Variants in NSL1 observed in about 807,000 individuals in gnomAD.
NSL1 encodes the protein kinetochore-associated protein NSL1 homolog.
A neutral mutation model predicts 25.4 loss-of-function variants in NSL1; 11 were observed. The ratio of observed to expected loss-of-function variants is 0.43; its 90% CI spans 0.27 to 0.72. The LOEUF is 0.72. Among genes scored for constraint, NSL1 ranks in the 30% least tolerant of loss-of-function variants. The pLI is 0.19. For missense variants in NSL1, 330 were observed against 342.7 expected, an observed-to-expected ratio of 0.96 and a Z score of 0.29; for synonymous variants, 118 against 120.6, an observed-to-expected ratio of 0.98 and a Z score of 0.14.
chr1:212,786,002 G>A (rs1660924582), intron 2 of NSL1, among the ~76,000 whole-genome samples: 1 of 152,006 alleles, frequency 6.6e-6, no homozygotes, highest in South Asian at 2.1e-4. Flanking sequence ...GTTCTTTTGA[G>A]GGCACCCTTT....
chr1:212,782,571 G>T (rs1218776099), intron 3 of NSL1, 145 bp from the exon 4 acceptor site: 6 of 641,194 alleles, frequency 9.4e-6, no homozygotes, highest in Non-Finnish European at 1.7e-5. Context: ...TAGGGAAGAG[G>T]AGGTGAGAAG....
At position 212,735,591 on chromosome 1, in the gene NSL1, T is replaced by C. The variant is rs1658203018; in HGVS notation, c.*2817A>G. ...TGTTTGTGTCCCCCTAAAATCTGTA[T>C]GATGAAGCCTTAACTCCCATGTGCC... On this transcript the variant is annotated 3_prime_UTR_variant, in exon 6 of 6. Transcript: ENST00000366977. 3 of 938,514 alleles carry C rather than the reference T, an allele frequency of 3.2e-6. No individual in the cohort carries two copies. The highest frequency in any genetic ancestry group is 3.8e-6 in the Non-Finnish European group (3 of 787,078). 58.1% of individuals were successfully genotyped at this position (938,514 alleles called of 1,614,324 possible). A position where few individuals can be genotyped will look rare whatever the true frequency, so the allele number is the denominator to read the frequency against.
Position 212,737,740 on chromosome 1 carries a change from A to T in NSL1, c.*668T>A, listed in dbSNP as rs1658290325. Reference sequence around the variant, plus strand: ...TGTTAATGGTCTATAGAAAAAAGTGAGTGTGGGCAGGAAACATTGGCTACA... The same window carrying T: ...TGTTAATGGTCTATAGAAAAAAGTGTGTGTGGGCAGGAAACATTGGCTACA... On this transcript the variant is annotated 3_prime_UTR_variant, in exon 6 of 6. Transcript: ENST00000366977. 4 of 983,670 alleles carry T rather than the reference A, an allele frequency of 4.1e-6. No homozygotes were observed. The highest frequency in any genetic ancestry group is 6.1e-5 in the Admixed American group (1 of 16,268). The allele number at this position is 983,670 out of a possible 1,614,324, so 60.9% of individuals were successfully genotyped here.
Position 212,727,719 on chromosome 1 carries a change from A to G in NSL1, c.*10689T>C, listed in dbSNP as rs563459031. ...AAAGAATGACTAGCTATGATGATTTATATTTCCCAAGAAATTAACAGCAAA... is the reference window on the plus strand; with the variant it reads ...AAAGAATGACTAGCTATGATGATTTGTATTTCCCAAGAAATTAACAGCAAA... On this transcript the variant is annotated 3_prime_UTR_variant, in exon 6 of 6. Coordinates refer to ENST00000366977, the MANE Select transcript of NSL1 (RefSeq NM_015471.4). 6.1e-6 allele frequency: 6 copies of G among 984,948 alleles called. No homozygotes were observed. Among genetic ancestry groups the G allele is most frequent in the African/African-American group, 1.7e-5 (1 of 57,356 alleles). The allele number at this position is 984,948 out of a possible 1,614,324, so 61.0% of individuals were successfully genotyped here.
At position 212,735,511 on chromosome 1, in the gene NSL1, G is replaced by C; in HGVS notation, c.*2897C>G. ...CTCTACGGAGCCCAAGCCATAAAGG[G>C]CCAGGGAAAGAGGTCTAGGATAAGA... On this transcript the variant is annotated 3_prime_UTR_variant, in exon 6 of 6. Transcript: ENST00000366977. 1.0e-6 allele frequency: 1 copy of C among 985,394 alleles called. No individual in the cohort carries two copies. Among genetic ancestry groups the C allele is most frequent in the South Asian group, 4.7e-5 (1 of 21,292 alleles). The allele number at this position is 985,394 out of a possible 1,614,324, so 61.0% of individuals were successfully genotyped here.
At chr1:212,744,746 T>C (rs1412229167) in intron 4 of NSL1, among the ~76,000 whole-genome samples, 1 of 151,758 alleles carries the variant, frequency 6.6e-6, no homozygotes, top group East Asian at 1.9e-4. Flanking sequence ...AGACGGTGAG[T>C]GTTCAACAGC....
rs1658123676 is a variant in NSL1, at chr1:212,733,823, G to A, written c.*4585C>T. Among the ~76,000 whole-genome samples the A allele has an allele frequency of 6.6e-6, 1 of 152,206 alleles. No individual in the cohort carries two copies. Among genetic ancestry groups the A allele is most frequent in the Admixed American group, 6.5e-5 (1 of 15,276 alleles). Reference sequence around the variant, plus strand: ...TCAATTCTCTTAGGTTTAGAACGTGGAGTAAAATTGCTGGGCCATATGGTA... The same window carrying A: ...TCAATTCTCTTAGGTTTAGAACGTGAAGTAAAATTGCTGGGCCATATGGTA... On this transcript the variant is annotated 3_prime_UTR_variant, in exon 6 of 6. Coordinates refer to ENST00000366977, the MANE Select transcript of NSL1 (RefSeq NM_015471.4).
intron 4 of NSL1, among the ~76,000 whole-genome samples, chr1:212,759,645 C>T (rs11811017): frequency 0.18 from 27,165 of 151,970 alleles, 2,751 homozygotes; most frequent in African/African-American, 0.28. Flanking sequence ...AATTCAACCC[C>T]CACCAGACTG....
At chr1:212,782,576 G>A (rs1345775113) in intron 3 of NSL1, 150 bp from the exon 4 acceptor site, 3 of 632,226 alleles carry the variant, frequency 4.7e-6, no homozygotes, top group Non-Finnish European at 8.4e-6. Context: ...AAGAGGAGGT[G>A]AGAAGGTAAA....
In NSL1 at chr1:212,737,393, A is replaced by C. The variant is rs1405173894; in HGVS notation, c.*1015T>G. Reference sequence around the variant, plus strand: ...CTCATGATCAGTAAATTCCTTTGAAAAATGAATGAAGGTATCAGAGTCATC... The same window carrying C: ...CTCATGATCAGTAAATTCCTTTGAACAATGAATGAAGGTATCAGAGTCATC... On this transcript the variant is annotated 3_prime_UTR_variant, in exon 6 of 6. Coordinates refer to ENST00000366977, the MANE Select transcript of NSL1 (RefSeq NM_015471.4). 1.0e-6 allele frequency: 1 copy of C among 985,012 alleles called. No homozygotes were observed. Among genetic ancestry groups the C allele is most frequent in the Non-Finnish European group, 1.2e-6 (1 of 829,624 alleles). 61.0% of individuals were successfully genotyped at this position (985,012 alleles called of 1,614,324 possible).
chr1:212,759,545 A>T (rs1558049783), intron 4 of NSL1, among the ~76,000 whole-genome samples: 1 of 152,136 alleles, frequency 6.6e-6, no homozygotes, highest in Non-Finnish European at 1.5e-5. Flanking sequence ...AGCTGTCTGG[A>T]GTCCATACAA....
Position 212,731,792 on chromosome 1 carries a change from A to G in NSL1, c.*6616T>C, listed in dbSNP as rs1411360113. ...TCAAAGCTGGTGTTCAGACAGTCAC[A>G]CTGTTACAAACATATGGATTGTACT... On this transcript the variant is annotated 3_prime_UTR_variant, in exon 6 of 6. Transcript: ENST00000366977. 1 of 985,292 alleles carries G rather than the reference A, an allele frequency of 1.0e-6. No homozygotes were observed. Among genetic ancestry groups the G allele is most frequent in the Non-Finnish European group, 1.2e-6 (1 of 829,942 alleles). The allele number at this position is 985,292 out of a possible 1,614,324, so 61.0% of individuals were successfully genotyped here. A position where few individuals can be genotyped will look rare whatever the true frequency, so the allele number is the denominator to read the frequency against.
At chr1:212,786,470 A>G (rs1027361030) in intron 2 of NSL1, among the ~76,000 whole-genome samples, 1 of 152,174 alleles carries the variant, frequency 6.6e-6, no homozygotes, top group African/African-American at 2.4e-5. Context: ...AGAGAGGAAC[A>G]TGCTTTCTTA....
intron 2 of NSL1, among the ~76,000 whole-genome samples, chr1:212,785,496 C>T (rs906712177): frequency 2.0e-5 from 3 of 152,010 alleles, no homozygotes; most frequent in South Asian, 4.1e-4. Flanking sequence ...CCCACTCCCC[C>T]GACCCCACAA....
chr1:212,762,993 G>A (rs1659643515), intron 4 of NSL1, among the ~76,000 whole-genome samples: 1 of 152,234 alleles, frequency 6.6e-6, no homozygotes, highest in Non-Finnish European at 1.5e-5. Flanking sequence ...GTGTGCTACA[G>A]ACATGAGCAG....
At chr1:212,752,889 C>CAAAAA (rs11284993) in intron 4 of NSL1, among the ~76,000 whole-genome samples, 1 of 133,954 alleles carries the variant, frequency 7.5e-6, no homozygotes. Flanking sequence ...AGAAATTCAG[C>CAAAAA]AAAAAAAAAA....
chr1:212,730,690 C>A lies in NSL1; in HGVS notation c.*7718G>T. Reference sequence around the variant, plus strand: ...GTGATGTCACTGAGGGATGTCAATGCCATCCTCTGCTCTTATGTCCTGCAG... The same window carrying A: ...GTGATGTCACTGAGGGATGTCAATGACATCCTCTGCTCTTATGTCCTGCAG... On this transcript the variant is annotated 3_prime_UTR_variant, in exon 6 of 6. Transcript: ENST00000366977. The A allele has an allele frequency of 1.0e-6, 1 of 985,234 alleles. No homozygotes were observed. The highest frequency in any genetic ancestry group is 1.2e-6 in the Non-Finnish European group (1 of 829,816). 61.0% of individuals were successfully genotyped at this position (985,234 alleles called of 1,614,324 possible). A position where few individuals can be genotyped will look rare whatever the true frequency, so the allele number is the denominator to read the frequency against.
In NSL1 at chr1:212,774,364, T is replaced by C. The variant is rs114008776; in HGVS notation, c.499+8008A>G. Among the ~76,000 whole-genome samples the C allele has an allele frequency of 3.8e-3, 573 of 152,322 alleles. 4 individuals are homozygous for C. Among genetic ancestry groups the C allele is most frequent in the African/African-American group, 0.013 (557 of 41,574 alleles). On this transcript the variant is annotated intron_variant, in intron 4 of 5. Coordinates refer to ENST00000366977, the MANE Select transcript of NSL1 (RefSeq NM_015471.4). ...AAATATCACATGTACCCCATAAATA[T>C]GTACAAATATTATGTACCAATTTAA...
intron 4 of NSL1, chr1:212,782,085 T>G: frequency 3.1e-6 from 2 of 638,052 alleles, no homozygotes; most frequent in Non-Finnish European, 3.0e-6. Context: ...ATGACAGAGA[T>G]AGGAGGGTAT....
Sources: gnomAD v4.1 joint callset for allele counts (sites outside exome capture counted in the v4.1 genomes callset) on GRCh38, gnomAD v4.1.1 for gene constraint, MANE v1.5 for transcripts, NCBI Gene and HGNC (gene_info 2026-07-23, HGNC 2026-07-21) for gene names.